ROBO1: variants seen among roughly 807,000 people sequenced by gnomAD.
ROBO1 encodes the protein roundabout guidance receptor 1.
Under a neutral mutation model 195.9 loss-of-function variants are expected in ROBO1, and 149 were observed. The observed-to-expected ratio is 0.76, with a 90% CI of 0.67 to 0.87. ROBO1 has a LOEUF of 0.87. Ranked by LOEUF, ROBO1 falls within the 40% of genes least tolerant of loss-of-function variation. The pLI, the probability that ROBO1 is intolerant of heterozygous loss-of-function variation, is 0.00. For synonymous variants in ROBO1, 816 were observed against 733.2 expected, an observed-to-expected ratio of 1.11 and a Z score of -1.82; for missense variants, 1,933 against 2,068.3, an observed-to-expected ratio of 0.93 and a Z score of 1.27.
intron 4 of ROBO1, among the ~76,000 whole-genome samples, chr3:78,861,625 A>G (rs1164019235): frequency 1.3e-5 from 2 of 152,192 alleles, no homozygotes; most frequent in Admixed American, 1.3e-4. Context: ...TATGTTGTTC[A>G]TAAGACAACA....
chr3:79,735,868 C>T (rs1703355852), intron 1 of ROBO1, among the ~76,000 whole-genome samples: 2 of 84,254 alleles, frequency 2.4e-5, no homozygotes, highest in Non-Finnish European at 4.5e-5. Context: ...GAGACTCCGT[C>T]TCAAAAAAAA....
chr3:78,627,250 G>A (rs2107476983), intron 26 of ROBO1, 71 bp downstream of exon 26: 2 of 1,501,564 alleles, frequency 1.3e-6, no homozygotes, highest in East Asian at 2.3e-5. Flanking sequence ...TCGTGGGATA[G>A]CATTTGGTAA....
intron 2 of ROBO1, among the ~76,000 whole-genome samples, chr3:79,380,032 C>G (rs1175738385): frequency 6.6e-6 from 1 of 152,144 alleles, no homozygotes; most frequent in Non-Finnish European, 1.5e-5. Context: ...TAATGTGTTC[C>G]TACTTCTTTT....
At chr3:78,888,189 T>C (rs2036675106) in intron 4 of ROBO1, among the ~76,000 whole-genome samples, 2 of 152,210 alleles carry the variant, frequency 1.3e-5, no homozygotes, top group African/African-American at 2.4e-5. Flanking sequence ...ATTAAAAGTT[T>C]CCGACAAAGT....
intron 4 of ROBO1, among the ~76,000 whole-genome samples, chr3:78,791,757 T>G (rs2084029115): frequency 6.6e-6 from 1 of 152,206 alleles, no homozygotes; most frequent in Non-Finnish European, 1.5e-5. Flanking sequence ...CTACCTTTCT[T>G]GCACAACTGT....
intron 4 of ROBO1, among the ~76,000 whole-genome samples, chr3:78,767,813 C>T (rs1225171464): frequency 6.6e-6 from 1 of 151,706 alleles, no homozygotes; most frequent in Non-Finnish European, 1.5e-5. Flanking sequence ...GATTTTCTTT[C>T]TTTTTTTTCT....
intron 1 of ROBO1, among the ~76,000 whole-genome samples, chr3:79,711,758 G>GT (rs1311799616): frequency 1.3e-5 from 2 of 152,118 alleles, no homozygotes; most frequent in Non-Finnish European, 2.9e-5. Flanking sequence ...GGCAACACGT[G>GT]TTGAGCAAGT....
chr3:79,408,696 C>T (rs2037649790), intron 2 of ROBO1, among the ~76,000 whole-genome samples: 1 of 151,978 alleles, frequency 6.6e-6, no homozygotes, highest in South Asian at 2.1e-4. Context: ...TTTTCTATGC[C>T]ACCATTTTTT....
At chr3:78,884,695 G>GGAAGGAAA (rs2036427985) in intron 4 of ROBO1, among the ~76,000 whole-genome samples, 1 of 126,282 alleles carries the variant, frequency 7.9e-6, no homozygotes, top group East Asian at 2.2e-4. Context: ...AAGGAAGGAA[G>GGAAGGAAA]GAAGGAAGGA....
At chr3:79,040,645 T>C (rs995437981) in intron 3 of ROBO1, among the ~76,000 whole-genome samples, 3 of 152,196 alleles carry the variant, frequency 2.0e-5, no homozygotes, top group Non-Finnish European at 4.4e-5. Flanking sequence ...ATATATTTCA[T>C]ATGTATCTGC....
chr3:79,638,977 T>A (rs1007300451), intron 1 of ROBO1, among the ~76,000 whole-genome samples: 11 of 152,170 alleles, frequency 7.2e-5, no homozygotes, highest in African/African-American at 2.7e-4. Flanking sequence ...TAAATTGAAA[T>A]TCTAAAAACT....
At chr3:79,288,072 A>C (rs534981200) in intron 2 of ROBO1, among the ~76,000 whole-genome samples, 7 of 152,104 alleles carry the variant, frequency 4.6e-5, no homozygotes, top group Non-Finnish European at 7.4e-5. Flanking sequence ...AAAATAACCA[A>C]ATTTATTTTT....
At chr3:79,149,517 T>TTGC (rs1475739783) in intron 2 of ROBO1, among the ~76,000 whole-genome samples, 1 of 149,420 alleles carries the variant, frequency 6.7e-6, no homozygotes, top group Non-Finnish European at 1.5e-5. Flanking sequence ...ACTGTGTTTG[T>TTGC]TGTTGTTGTT....
chr3:78,604,170 A>C (rs1385610774), intron 29 of ROBO1, among the ~76,000 whole-genome samples: 2 of 152,128 alleles, frequency 1.3e-5, no homozygotes, highest in Non-Finnish European at 2.9e-5. Context: ...TCCCGGGTTC[A>C]AGCAATTCTC....
chr3:78,863,636 C>T (rs750093894), intron 4 of ROBO1, among the ~76,000 whole-genome samples: 1 of 152,160 alleles, frequency 6.6e-6, no homozygotes, highest in Non-Finnish European at 1.5e-5. Context: ...TCAGGGGATT[C>T]TTTGAATCTG....
intron 2 of ROBO1, among the ~76,000 whole-genome samples, chr3:79,559,696 A>G (rs1276955440): frequency 1.3e-5 from 2 of 152,084 alleles, no homozygotes; most frequent in East Asian, 3.9e-4. Flanking sequence ...AGGCGGGCAG[A>G]TTACGAGGTC....
chr3:78,891,352 T>A (rs1216056711), intron 4 of ROBO1, among the ~76,000 whole-genome samples: 2 of 151,704 alleles, frequency 1.3e-5, no homozygotes, highest in East Asian at 1.9e-4. Context: ...TACGCACATT[T>A]AAAAAAAATT....
At chr3:78,729,968 C>A (rs2082250700) in intron 5 of ROBO1, among the ~76,000 whole-genome samples, 1 of 152,118 alleles carries the variant, frequency 6.6e-6, no homozygotes, top group Non-Finnish European at 1.5e-5. Flanking sequence ...TCCCACAAAA[C>A]CAGGTTTGCT....
intron 10 of ROBO1, among the ~76,000 whole-genome samples, chr3:78,671,871 CTATCTT>C (rs1708082854): frequency 6.6e-6 from 1 of 152,148 alleles, no homozygotes; most frequent in African/African-American, 2.4e-5. Flanking sequence ...TCAATGTTCT[CTATCTT>C]TATGGTTCTT....
Sources: allele counts gnomAD v4.1 joint callset (sites outside exome capture counted in the v4.1 genomes callset), GRCh38; gene constraint gnomAD v4.1.1; transcripts MANE v1.5; gene names NCBI Gene and HGNC (gene_info 2026-07-23, HGNC 2026-07-21).